The following EXOC2 variants were observed in gnomAD, a reference collection of about 807,000 sequenced individuals.
EXOC2 encodes exocyst complex component 2.
Under a neutral mutation model 131.8 loss-of-function variants are expected in EXOC2, and 70 were observed. The observed-to-expected ratio is 0.53, with a 90% confidence interval of 0.44 to 0.65. EXOC2 has a LOEUF of 0.65. Among genes scored for constraint, EXOC2 ranks in the 30% least tolerant of loss-of-function variants. The probability of loss-of-function intolerance (pLI) is 0.00; values close to 1 mark genes in which losing one functional copy is unlikely to be tolerated. For synonymous variants in EXOC2, 411 were observed against 398.4 expected (o/e 1.03, Z -0.38); for missense variants, 923 against 1,108.6 (o/e 0.83, Z 2.38).
At chr6:641,853 C>T (rs1185191547) in intron 1 of EXOC2, among the ~76,000 whole-genome samples, 2 of 144,588 alleles carry the variant, frequency 1.4e-5, no homozygotes, top group Non-Finnish European at 3.0e-5. Context: ...ATTTTCTCTC[C>T]ACTGCAATCC....
At chr6:547,514 C>A (rs1001185699) in intron 22 of EXOC2, among the ~76,000 whole-genome samples, 1 of 152,180 alleles carries the variant, frequency 6.6e-6, no homozygotes, top group Non-Finnish European at 1.5e-5. Flanking sequence ...GGGATCGATG[C>A]CCCTAGAATT....
In EXOC2 at chr6:667,407, G is replaced by T. The variant is rs1763668474; in HGVS notation, c.-44+25612C>A. ...GAAGAGATACCCAGACAGCTGAGCTGGTAAAGCATTATTTCTGGGTGTGTC... is the reference window on the plus strand; with the variant it reads ...GAAGAGATACCCAGACAGCTGAGCTTGTAAAGCATTATTTCTGGGTGTGTC... On this transcript the variant is annotated intron_variant, in intron 1 of 27. Coordinates refer to ENST00000230449, the MANE Select transcript of EXOC2 (RefSeq NM_018303.6). Among the ~76,000 whole-genome samples the T allele has an allele frequency of 3.1e-5, 3 of 97,154 alleles. No homozygotes were observed. In the Admixed American group the frequency reaches 3.5e-4, roughly 11 times the overall value. The allele number at this position is 97,154 out of a possible 152,430, so 63.7% of individuals were successfully genotyped here. A position where few individuals can be genotyped will look rare whatever the true frequency, so the allele number is the denominator to read the frequency against.
intron 4 of EXOC2, among the ~76,000 whole-genome samples, chr6:629,009 C>A (rs1426515852): frequency 6.6e-6 from 1 of 152,180 alleles, no homozygotes; most frequent in Admixed American, 6.5e-5. Flanking sequence ...TCCCCTCAGC[C>A]AGGGGCAAAC....
At chr6:596,235 A>G (rs939374078) in intron 10 of EXOC2, among the ~76,000 whole-genome samples, 3 of 151,544 alleles carry the variant, frequency 2.0e-5, no homozygotes. Context: ...CCTGGGCAAT[A>G]CTAGTGTGCT....
At chr6:494,361 G>A (rs1315261520) in intron 25 of EXOC2, among the ~76,000 whole-genome samples, 1 of 152,020 alleles carries the variant, frequency 6.6e-6, no homozygotes, top group African/African-American at 2.4e-5. Flanking sequence ...TGACCACATG[G>A]CTTCCATCCG....
chr6:643,939 A>G (rs1473032372), intron 1 of EXOC2, among the ~76,000 whole-genome samples: 2 of 152,164 alleles, frequency 1.3e-5, no homozygotes, highest in Non-Finnish European at 2.9e-5. Context: ...GATGAAATGA[A>G]TTCCTTGAAA....
intron 1 of EXOC2, among the ~76,000 whole-genome samples, chr6:645,591 C>T (rs938572476): frequency 1.3e-5 from 2 of 151,114 alleles, no homozygotes; most frequent in Non-Finnish European, 3.0e-5. Flanking sequence ...GGAAGCAACC[C>T]TTTTTTTTTT....
chr6:578,160 A>G (rs1460427658), intron 11 of EXOC2, among the ~76,000 whole-genome samples: 1 of 152,160 alleles, frequency 6.6e-6, no homozygotes, highest in Non-Finnish European at 1.5e-5. Flanking sequence ...TAAAAAATAT[A>G]TTTTTTACTT....
chr6:568,650 A>G (rs1758109131), intron 13 of EXOC2, among the ~76,000 whole-genome samples: 1 of 152,228 alleles, frequency 6.6e-6, no homozygotes, highest in African/African-American at 2.4e-5. Context: ...ACATGCCAGT[A>G]TAAAACTGCA....
At chr6:691,268 C>T (rs1374752073) in intron 1 of EXOC2, among the ~76,000 whole-genome samples, 1 of 152,214 alleles carries the variant, frequency 6.6e-6, no homozygotes, top group Non-Finnish European at 1.5e-5. Flanking sequence ...AAAAGTAATA[C>T]AGTTGACCCT....
intron 4 of EXOC2, among the ~76,000 whole-genome samples, chr6:624,790 A>AT: frequency 6.6e-6 from 1 of 152,380 alleles, no homozygotes; most frequent in Middle Eastern, 3.4e-3. Flanking sequence ...AAGAGGTAGT[A>AT]TATCAACACA....
intron 1 of EXOC2, among the ~76,000 whole-genome samples, chr6:651,803 A>G (rs1291805381): frequency 6.6e-6 from 1 of 151,994 alleles, no homozygotes; most frequent in African/African-American, 2.4e-5. Flanking sequence ...CACGCCTGTA[A>G]CCCCAGCACT....
intron 10 of EXOC2, among the ~76,000 whole-genome samples, chr6:593,250 A>C (rs1759640235): frequency 6.6e-6 from 1 of 152,052 alleles, no homozygotes; most frequent in East Asian, 1.9e-4. Flanking sequence ...CACAGGTGGG[A>C]GCCAGCAGAT....
At chr6:655,911 C>T (rs924117768) in intron 1 of EXOC2, 16 of 485,628 alleles carry the variant, frequency 3.3e-5, no homozygotes, top group Non-Finnish European at 5.4e-5. Context: ...CCTGACAAAC[C>T]CAATAAACAA....
chr6:548,271 T>C (rs1274808200), intron 22 of EXOC2, among the ~76,000 whole-genome samples: 1 of 152,148 alleles, frequency 6.6e-6, no homozygotes, highest in Non-Finnish European at 1.5e-5. Context: ...AAAATCCCAA[T>C]GTAGTTCACG....
intron 23 of EXOC2, among the ~76,000 whole-genome samples, chr6:504,349 C>T (rs910227271): frequency 3.9e-5 from 6 of 152,308 alleles, no homozygotes; most frequent in African/African-American, 1.2e-4. Context: ...GCTGAGGCCT[C>T]GCGGTGATGG....
intron 24 of EXOC2, among the ~76,000 whole-genome samples, 195 bp downstream of exon 24, chr6:499,430 AACACACACACACACACACAC>A (rs5873755): frequency 1.1e-4 from 16 of 141,742 alleles, no homozygotes; most frequent in East Asian, 2.1e-4. Context: ...CTCACAGTTA[AACACACACACACACACACAC>A]ACACACACAC....
rs1431891203 is a variant in EXOC2, at chr6:667,348, C to G, written c.-44+25671G>C. ...TCTGAAGGGTAATTTCATTTGTATACAGGATTTGACAGTGGTAAGTGTGAT... is the reference window on the plus strand; with the variant it reads ...TCTGAAGGGTAATTTCATTTGTATAGAGGATTTGACAGTGGTAAGTGTGAT... On this transcript the variant is annotated intron_variant, in intron 1 of 27. Coordinates refer to ENST00000230449, the MANE Select transcript of EXOC2 (RefSeq NM_018303.6). Among the ~76,000 whole-genome samples, 8 of 96,522 alleles carry G rather than the reference C, an allele frequency of 8.3e-5. 4 individuals carry two copies. The highest frequency in any genetic ancestry group is 2.0e-4 in the Non-Finnish European group (8 of 40,856). 63.3% of individuals were successfully genotyped at this position (96,522 alleles called of 152,430 possible). A position where few individuals can be genotyped will look rare whatever the true frequency, so the allele number is the denominator to read the frequency against.
chr6:537,781 C>T (rs2473485), intron 22 of EXOC2, among the ~76,000 whole-genome samples: 30,476 of 152,164 alleles, frequency 0.2, 4,297 homozygotes, highest in African/African-American at 0.4. Context: ...GTACACACAA[C>T]TGGATGAATC....
Sources: allele counts gnomAD v4.1 joint callset (sites outside exome capture counted in the v4.1 genomes callset), GRCh38; gene constraint gnomAD v4.1.1; transcripts MANE v1.5; gene names NCBI Gene and HGNC (gene_info 2026-07-23, HGNC 2026-07-21).